Variants in HDX observed in about 807,000 individuals in gnomAD.
HDX encodes chromosome X open reading frame 43.
Under a neutral mutation model 45.2 loss-of-function variants are expected in HDX, and 19 were observed. The observed-to-expected ratio is 0.42, with a 90% CI of 0.29 to 0.62. The LOEUF is 0.62. Among genes scored for constraint, HDX ranks in the 20% least tolerant of loss-of-function variants. The pLI, the probability that HDX is intolerant of heterozygous loss-of-function variation, is 0.20. For missense variants in HDX, 532 were observed against 493.9 expected (o/e 1.08, Z -0.73); for synonymous variants, 188 against 172.8 (o/e 1.09, Z -0.69).
chrX:84,407,815 T>C (rs1254755927), intron 5 of HDX, among the ~76,000 whole-genome samples: 1 of 111,919 alleles, frequency 8.9e-6, no homozygotes, highest in Non-Finnish European at 1.9e-5. Flanking sequence ...ATTTTTTTCC[T>C]ATGATTGTTG....
At chrX:84,499,080 A>G (rs2041067564) in intron 1 of HDX, among the ~76,000 whole-genome samples, 1 of 112,072 alleles carries the variant, frequency 8.9e-6, no homozygotes, top group African/African-American at 3.2e-5. Context: ...TCTTTCATAT[A>G]GATTTTGTGA....
chrX:84,420,241 A>G (rs1381501527), intron 5 of HDX, among the ~76,000 whole-genome samples: 1 of 112,334 alleles, frequency 8.9e-6, no homozygotes, highest in Non-Finnish European at 1.9e-5. Context: ...AATTCAAGGA[A>G]ATTCAAGATA....
At chrX:84,424,434 T>C (rs1477886379) in intron 5 of HDX, among the ~76,000 whole-genome samples, 1 of 105,832 alleles carries the variant, frequency 9.4e-6, no homozygotes, top group Non-Finnish European at 1.9e-5. Flanking sequence ...ACCAATGACA[T>C]TCCTCACAGA....
chrX:84,375,400 T>C (rs1227456780), intron 5 of HDX, among the ~76,000 whole-genome samples: 2 of 111,016 alleles, frequency 1.8e-5, no homozygotes, highest in Non-Finnish European at 3.8e-5. Context: ...ACTGGGTATA[T>C]ACCCAAAGGA....
At chrX:84,323,397 A>G (rs959028116) in intron 10 of HDX, among the ~76,000 whole-genome samples, 1 of 110,971 alleles carries the variant, frequency 9.0e-6, no homozygotes, top group Non-Finnish European at 1.9e-5. Flanking sequence ...TATATGACAT[A>G]CATCACTGGA....
chrX:84,396,529 T>C (rs2038568682), intron 5 of HDX, among the ~76,000 whole-genome samples: 1 of 112,070 alleles, frequency 8.9e-6, no homozygotes, highest in Non-Finnish European at 1.9e-5. Flanking sequence ...CATTGTTTGC[T>C]TGGATTTCAG....
chrX:84,382,919 C>T (rs769277790), intron 5 of HDX, among the ~76,000 whole-genome samples: 24 of 111,199 alleles, frequency 2.2e-4, no homozygotes, highest in Non-Finnish European at 4.4e-4. Flanking sequence ...CCATGATGTG[C>T]TTATTTCACG....
chrX:84,481,800 G>C (rs930373809), intron 2 of HDX, among the ~76,000 whole-genome samples: 5 of 111,029 alleles, frequency 4.5e-5, no homozygotes, highest in Non-Finnish European at 7.5e-5. Context: ...TGCGCTTCTA[G>C]TGAACCCATC....
rs888045205 is a variant in HDX, at chrX:84,321,689, C to T, written c.*200G>A. 21 of 265,417 alleles carry T rather than the reference C, an allele frequency of 7.9e-5. No individual in the cohort carries two copies. Among genetic ancestry groups the T allele is most frequent in the Non-Finnish European group, 1.2e-4 (18 of 146,759 alleles). The allele number at this position is 265,417 out of a possible 1,213,427, so 21.9% of individuals were successfully genotyped here. A position where few individuals can be genotyped will look rare whatever the true frequency, so the allele number is the denominator to read the frequency against. On this transcript the variant is annotated 3_prime_UTR_variant, in exon 11 of 11. Coordinates refer to ENST00000373177, the MANE Select transcript of HDX (RefSeq NM_001177479.2). ...GTTCCATCAGTTAAAAAAATACTCT[C>T]TCAAACAATGCTTTTAAATTTCACC...
Position 84,321,878 on chromosome X carries a change from T to C in HDX, c.*11A>G, listed in dbSNP as rs779304597. 2.5e-6 allele frequency: 3 copies of C among 1,187,976 alleles called. No homozygotes were observed. In the East Asian group the frequency reaches 9.0e-5, roughly 36 times the overall value. On this transcript the variant is annotated 3_prime_UTR_variant, in exon 11 of 11. Transcript: ENST00000373177. ...CCAAAAGACTGTATCATATATTCCC[T>C]CCAACTGAAATCACAAACTTTCTGA...
chrX:84,352,519 T>C (rs746629680), intron 6 of HDX, among the ~76,000 whole-genome samples: 21 of 111,678 alleles, frequency 1.9e-4, no homozygotes, highest in South Asian at 3.7e-4. Context: ...ATTAGGTGTA[T>C]ATATTTACGA....
intron 4 of HDX, among the ~76,000 whole-genome samples, chrX:84,451,306 C>T (rs1391643301): frequency 9.0e-6 from 1 of 110,609 alleles, no homozygotes; most frequent in Non-Finnish European, 1.9e-5. Context: ...AAAAAGAAGA[C>T]ATAAATAAAT....
At chrX:84,328,843 C>A (rs775976253) in intron 9 of HDX, among the ~76,000 whole-genome samples, 12 of 111,829 alleles carry the variant, frequency 1.1e-4, no homozygotes, top group Middle Eastern at 4.6e-3. Flanking sequence ...TGTAACACAA[C>A]CCTCAGGAGA....
chrX:84,359,378 T>C (rs1024781639), intron 6 of HDX, among the ~76,000 whole-genome samples: 4 of 109,277 alleles, frequency 3.7e-5, no homozygotes, highest in Non-Finnish European at 7.6e-5. Flanking sequence ...GTGTGTGTTG[T>C]TCCCCTCCTT....
At chrX:84,325,684 G>T (rs2036694116) in intron 10 of HDX, among the ~76,000 whole-genome samples, 1 of 111,604 alleles carries the variant, frequency 9.0e-6, no homozygotes, top group Admixed American at 9.6e-5. Context: ...TGGAAACAAA[G>T]AGTTTCACAA....
chrX:84,424,955 A>G (rs73507099), intron 5 of HDX, among the ~76,000 whole-genome samples: 1,181 of 111,389 alleles, frequency 0.011, 13 homozygotes, highest in African/African-American at 0.037. Flanking sequence ...CAATGCAAAA[A>G]TGGACAAATG....
chrX:84,374,010 C>A (rs1184681237), intron 5 of HDX, among the ~76,000 whole-genome samples: 1 of 108,811 alleles, frequency 9.2e-6, no homozygotes, highest in African/African-American at 3.4e-5. Context: ...CTAGAAAACC[C>A]CATTGTCTCA....
At chrX:84,478,521 C>T (rs1316933226) in intron 2 of HDX, among the ~76,000 whole-genome samples, 2 of 111,662 alleles carry the variant, frequency 1.8e-5, no homozygotes, top group Admixed American at 9.6e-5. Flanking sequence ...ACTAATGCCC[C>T]AGCTAATTAA....
At chrX:84,402,636 C>T in intron 5 of HDX, among the ~76,000 whole-genome samples, 1 of 111,056 alleles carries the variant, frequency 9.0e-6, no homozygotes, top group East Asian at 2.8e-4. Context: ...TGTAAAGCTG[C>T]TATAATCATT....
Sources: gnomAD v4.1 joint callset for allele counts (sites outside exome capture counted in the v4.1 genomes callset) on GRCh38, gnomAD v4.1.1 for gene constraint, MANE v1.5 for transcripts, NCBI Gene and HGNC (gene_info 2026-07-23, HGNC 2026-07-21) for gene names.